Variants in PHKA2 observed in about 807,000 individuals in gnomAD.
The protein encoded by PHKA2 is phosphorylase b kinase regulatory subunit alpha, liver isoform.
A neutral mutation model predicts 102.0 loss-of-function variants in PHKA2; 31 were observed. That is an observed-to-expected ratio of 0.30 (90% CI 0.23 to 0.41). The LOEUF is 0.41. Among genes scored for constraint, PHKA2 ranks in the 10% least tolerant of loss-of-function variants. PHKA2 has a pLI of 1.00. For missense variants in PHKA2, 858 were observed against 1,023.1 expected (o/e 0.84, Z 2.20); for synonymous variants, 455 against 416.2 (o/e 1.09, Z -1.13).
At chrX:18,897,553 C>A (rs1162987624) in intron 29 of PHKA2, 2 of 421,894 alleles carry the variant, frequency 4.7e-6, no homozygotes, top group African/African-American at 5.0e-5. Context: ...CTCTGCCCTG[C>A]CCCCCGAGAG....
intron 11 of PHKA2, among the ~76,000 whole-genome samples, chrX:18,935,591 AG>A (rs1243373932): frequency 9.2e-6 from 1 of 108,761 alleles, no homozygotes; most frequent in Non-Finnish European, 1.9e-5. Context: ...TGGGATAGAC[AG>A]GAACACTACC....
intron 10 of PHKA2, among the ~76,000 whole-genome samples, chrX:18,937,044 GCAT>G (rs1331359905): frequency 9.0e-6 from 1 of 111,511 alleles, no homozygotes; most frequent in Non-Finnish European, 1.9e-5. Context: ...CTAAGAGAAA[GCAT>G]CAACAGTGGG....
At chrX:18,980,617 T>TATC (rs2049157843) in intron 1 of PHKA2, among the ~76,000 whole-genome samples, 1 of 111,757 alleles carries the variant, frequency 8.9e-6, no homozygotes, top group African/African-American at 3.3e-5. Flanking sequence ...TTTTCCCCAC[T>TATC]ATCACCCTGT....
intron 11 of PHKA2, among the ~76,000 whole-genome samples, chrX:18,932,186 G>T (rs2048326826): frequency 8.9e-6 from 1 of 112,306 alleles, no homozygotes; most frequent in Non-Finnish European, 1.9e-5. Flanking sequence ...AGAATTGCCA[G>T]AAGGTGGCAC....
At chrX:18,918,543 G>A in intron 19 of PHKA2, 138 bp downstream of exon 19, 2 of 540,248 alleles carry the variant, frequency 3.7e-6, no homozygotes, top group Admixed American at 2.7e-5. Context: ...TAAAAGAGTT[G>A]AAAGTGGTTA....
intron 27 of PHKA2, among the ~76,000 whole-genome samples, chrX:18,901,260 T>C (rs770721581): frequency 9.0e-6 from 1 of 111,129 alleles, no homozygotes; most frequent in Non-Finnish European, 1.9e-5. Context: ...GGAACGTTCA[T>C]GAGAACATCA....
chrX:18,895,628 A>AGCACATGCACAGACAT (rs1007662460), intron 30 of PHKA2: 4 of 180,376 alleles, frequency 2.2e-5, no homozygotes, highest in African/African-American at 5.8e-5. Flanking sequence ...AAAAGCCTCC[A>AGCACATGCACAGACAT]GCACATGCAC....
intron 8 of PHKA2, among the ~76,000 whole-genome samples, chrX:18,941,188 T>C (rs926723753): frequency 1.8e-5 from 2 of 111,830 alleles, no homozygotes; most frequent in African/African-American, 6.5e-5. Context: ...GTGTGTAAAG[T>C]TTGAGGATAT....
chrX:18,982,727 G>A lies in PHKA2; in HGVS notation c.78+1128C>T, dbSNP rs750895745. 5.4e-5 allele frequency among the ~76,000 whole-genome samples: 6 copies of A among 111,708 alleles called. No individual in the cohort carries two copies. In the South Asian group the frequency reaches 1.9e-3, roughly 35 times the overall value. ...CGCACGCCTGTAGTCCCAGCTACTC[G>A]GGAGGCTGAGGCAGGATAATCGCTT... On this transcript the variant is annotated intron_variant, in intron 1 of 32. Transcript: ENST00000379942.
rs748964864 is a variant in PHKA2 at position 18,957,738 on chromosome X, T to TTATA, written c.79-3330_79-3327dup. ...TTTCCTATGTGTTACTAAAACCAGA[T>TTATA]TATATATATATATATATATATAATT... On this transcript the variant is annotated intron_variant, in intron 1 of 32. Coordinates refer to ENST00000379942, the MANE Select transcript of PHKA2 (RefSeq NM_000292.3). Among the ~76,000 whole-genome samples, 600 of 95,129 alleles carry TTATA rather than the reference T, an allele frequency of 6.3e-3. 10 individuals carry two copies. The highest frequency in any genetic ancestry group is 0.022 in the African/African-American group (510 of 22,754). 82.6% of individuals were successfully genotyped at this position (95,129 alleles called of 115,157 possible).
intron 20 of PHKA2, among the ~76,000 whole-genome samples, chrX:18,910,014 T>C (rs191494541): frequency 2.7e-5 from 3 of 112,809 alleles, no homozygotes; most frequent in African/African-American, 9.6e-5. Context: ...CCACTGAGTC[T>C]GTTCGTGTGG....
At chrX:18,895,727 C>T (rs1036106092) in intron 30 of PHKA2, 7 of 122,241 alleles carry the variant, frequency 5.7e-5, no homozygotes, top group African/African-American at 1.6e-4. Flanking sequence ...CTTGGTATTG[C>T]GCCAGTGAGT....
intron 12 of PHKA2, among the ~76,000 whole-genome samples, chrX:18,930,764 T>C (rs1238517305): frequency 9.0e-6 from 1 of 111,331 alleles, no homozygotes; most frequent in African/African-American, 3.3e-5. Context: ...TTGAGGTACC[T>C]GTAAAACAAC....
chrX:18,908,690 G>T, intron 21 of PHKA2, 111 bp downstream of exon 21: 1 of 682,524 alleles, frequency 1.5e-6, no homozygotes. Flanking sequence ...AATCGGCCTT[G>T]AGTTTCAACT....
rs767008031 is a variant in PHKA2, at chrX:18,924,284, A to G, written c.1714+97T>C. ...AACCAAACTGCTAAGAAGCCCCTTCAGTGCTTAGTTCTGGCCATGGGAGCC... is the reference window on the plus strand; with the variant it reads ...AACCAAACTGCTAAGAAGCCCCTTCGGTGCTTAGTTCTGGCCATGGGAGCC... On this transcript the variant is annotated intron_variant, in intron 16 of 32. Transcript: ENST00000379942. 17 of 1,019,295 alleles carry G rather than the reference A, an allele frequency of 1.7e-5. No individual in the cohort carries two copies. In the East Asian group the frequency reaches 3.6e-4, roughly 22 times the overall value. 84.0% of individuals were successfully genotyped at this position (1,019,295 alleles called of 1,213,427 possible). A position where few individuals can be genotyped will look rare whatever the true frequency, so the allele number is the denominator to read the frequency against.
At chrX:18,959,023 A>G (rs1388846219) in intron 1 of PHKA2, among the ~76,000 whole-genome samples, 2 of 111,612 alleles carry the variant, frequency 1.8e-5, no homozygotes, top group African/African-American at 6.5e-5. Flanking sequence ...TTTCTTTTTA[A>G]CCAGGTACTA....
chrX:18,973,359 C>G (rs997470557), intron 1 of PHKA2, among the ~76,000 whole-genome samples: 1 of 108,511 alleles, frequency 9.2e-6, no homozygotes, highest in Non-Finnish European at 1.9e-5. Flanking sequence ...AAATGCTTTT[C>G]TATATCTATT....
intron 12 of PHKA2, among the ~76,000 whole-genome samples, 172 bp downstream of exon 12, chrX:18,931,469 A>T (rs1030838640): frequency 1.8e-5 from 2 of 111,499 alleles, no homozygotes; most frequent in Non-Finnish European, 3.8e-5. Context: ...AAATATGGAC[A>T]CACAAGGCTG....
intron 1 of PHKA2, among the ~76,000 whole-genome samples, chrX:18,958,016 T>C (rs1317254641): frequency 9.1e-6 from 1 of 110,046 alleles, no homozygotes; most frequent in Non-Finnish European, 1.9e-5. Context: ...CATGACACCA[T>C]GCATGGCTAA....
Sources: gnomAD v4.1 joint callset for allele counts (sites outside exome capture counted in the v4.1 genomes callset) on GRCh38, gnomAD v4.1.1 for gene constraint, MANE v1.5 for transcripts, NCBI Gene and HGNC (gene_info 2026-07-23, HGNC 2026-07-21) for gene names.